MYO5B: variants seen among roughly 807,000 people sequenced by gnomAD.
The protein encoded by MYO5B is unconventional myosin-Vb.
MYO5B carries 143 observed loss-of-function variants against 229.3 expected under a neutral mutation model. That is an observed-to-expected ratio of 0.62 (90% CI 0.54 to 0.72). The LOEUF is 0.72. Among genes scored for constraint, MYO5B ranks in the 30% least tolerant of loss-of-function variants. The pLI is 0.00. For synonymous variants in MYO5B, 918 were observed against 885.2 expected (o/e 1.04, Z -0.66); for missense variants, 2,321 against 2,331.0 (o/e 1.00, Z 0.09).
In MYO5B at chr18:50,029,537, T is replaced by G. The variant is rs577386343; in HGVS notation, c.455+7313A>C. 3.6e-4 allele frequency among the ~76,000 whole-genome samples: 55 copies of G among 152,278 alleles called. No individual in the cohort carries two copies. The South Asian group carries it at 0.011, about 31-fold the overall frequency. ...GCTGACTGAAGTCCTGGTTTCAGAC[T>G]TTACTATAAAATTCACCCAGTCATT... On this transcript the variant is annotated intron_variant, in intron 4 of 39. Transcript: ENST00000285039.
At chr18:50,086,244 G>A (rs777947270) in intron 1 of MYO5B, among the ~76,000 whole-genome samples, 20 of 151,878 alleles carry the variant, frequency 1.3e-4, no homozygotes, top group African/African-American at 2.7e-4. Flanking sequence ...TCCCTCTTCC[G>A]TTGCCTTTTC....
At chr18:49,987,045 G>C (rs750856663) in intron 7 of MYO5B, among the ~76,000 whole-genome samples, 19 of 152,178 alleles carry the variant, frequency 1.2e-4, no homozygotes, top group Non-Finnish European at 1.9e-4. Context: ...TCATATTAGA[G>C]GGAAGGCATT....
chr18:50,194,228 C>T (rs1310723875), intron 1 of MYO5B, among the ~76,000 whole-genome samples: 3 of 152,236 alleles, frequency 2.0e-5, no homozygotes, highest in Non-Finnish European at 2.9e-5. Context: ...TCCCTCTCCA[C>T]CAAGTCCAGA....
chr18:49,902,108 T>C (rs2024848067), intron 21 of MYO5B, among the ~76,000 whole-genome samples: 1 of 152,262 alleles, frequency 6.6e-6, no homozygotes, highest in Non-Finnish European at 1.5e-5. Context: ...ATCATTATCT[T>C]ACAGCTCTGG....
At chr18:50,096,416 G>A (rs2031552077) in intron 1 of MYO5B, among the ~76,000 whole-genome samples, 1 of 152,128 alleles carries the variant, frequency 6.6e-6, no homozygotes, top group South Asian at 2.1e-4. Context: ...GAAGGCCAAG[G>A]TTGTCTTGCC....
intron 4 of MYO5B, among the ~76,000 whole-genome samples, chr18:50,029,641 C>A (rs2026367174): frequency 6.6e-6 from 1 of 152,196 alleles, no homozygotes; most frequent in Non-Finnish European, 1.5e-5. Flanking sequence ...TCAGCTGTAA[C>A]AACTGTGCCC....
chr18:50,040,074 TGA>T, intron 3 of MYO5B, 67 bp downstream of exon 3: 1 of 1,515,474 alleles, frequency 6.6e-7, no homozygotes, highest in Non-Finnish European at 9.2e-7. Context: ...CCTAAGCATT[TGA>T]GTTGAGCAAG....
chr18:49,835,452 A>G, intron 38 of MYO5B, 28 bp from the exon 39 acceptor site: 1 of 1,413,410 alleles, frequency 7.1e-7, no homozygotes, highest in South Asian at 1.1e-5. Context: ...GGAATTTAGC[A>G]CAGAGCTAAA....
intron 5 of MYO5B, among the ~76,000 whole-genome samples, chr18:49,997,883 T>G (rs1034440339): frequency 6.6e-6 from 1 of 151,922 alleles, no homozygotes; most frequent in Non-Finnish European, 1.5e-5. Flanking sequence ...ACCGATTGCT[T>G]TGTTGGGAGG....
At chr18:49,956,996 T>G (rs1414735336) in intron 12 of MYO5B, among the ~76,000 whole-genome samples, 1 of 152,082 alleles carries the variant, frequency 6.6e-6, no homozygotes, top group African/African-American at 2.4e-5. Flanking sequence ...TGGTTGGTAA[T>G]GGATGCACAA....
chr18:50,124,882 C>T (rs557272039), intron 1 of MYO5B, among the ~76,000 whole-genome samples: 3 of 152,076 alleles, frequency 2.0e-5, no homozygotes, highest in Non-Finnish European at 4.4e-5. Flanking sequence ...ATTGGGAAGC[C>T]CCACTTTAAT....
At chr18:50,103,857 A>T (rs1458362237) in intron 1 of MYO5B, among the ~76,000 whole-genome samples, 1 of 152,198 alleles carries the variant, frequency 6.6e-6, no homozygotes, top group African/African-American at 2.4e-5. Flanking sequence ...GCCGTCAAGC[A>T]CATGCAGTTC....
At chr18:50,157,404 A>C (rs1421564302) in intron 1 of MYO5B, among the ~76,000 whole-genome samples, 1 of 152,148 alleles carries the variant, frequency 6.6e-6, no homozygotes, top group Non-Finnish European at 1.5e-5. Context: ...AATTCTAACC[A>C]CCAAAATATC....
At chr18:50,108,105 C>T (rs1023285284) in intron 1 of MYO5B, among the ~76,000 whole-genome samples, 7 of 152,144 alleles carry the variant, frequency 4.6e-5, no homozygotes, top group Admixed American at 3.9e-4. Flanking sequence ...GATGGGGTTT[C>T]GCCATGTTGC....
chr18:49,947,858 A>G (rs1172059289), intron 14 of MYO5B, among the ~76,000 whole-genome samples: 1 of 152,240 alleles, frequency 6.6e-6, no homozygotes, highest in Non-Finnish European at 1.5e-5. Flanking sequence ...AGAAGCATGA[A>G]AAAACTTTGT....
Position 49,823,861 on chromosome 18 carries a change from C to A in MYO5B, c.*2610G>T, listed in dbSNP as rs550074587. On this transcript the variant is annotated 3_prime_UTR_variant, in exon 40 of 40. Transcript: ENST00000285039. ...TAATACTTAAAACACAAGTTTTGAT[C>A]TATAAATATTTGATTCTTAATATTT... The A allele has an allele frequency of 6.6e-6, 1 of 152,576 alleles. No homozygotes were observed. The highest frequency in any genetic ancestry group is 1.5e-5 in the Non-Finnish European group (1 of 68,030). 9.5% of individuals were successfully genotyped at this position (152,576 alleles called of 1,614,324 possible).
At chr18:50,000,851 A>G (rs1568065382) in intron 5 of MYO5B, among the ~76,000 whole-genome samples, 1 of 152,202 alleles carries the variant, frequency 6.6e-6, no homozygotes, top group Non-Finnish European at 1.5e-5. Context: ...TATTCTATCT[A>G]GGCTTTCCCG....
chr18:50,019,475 A>C (rs898681661), intron 4 of MYO5B, among the ~76,000 whole-genome samples: 2 of 152,192 alleles, frequency 1.3e-5, no homozygotes, highest in African/African-American at 4.8e-5. Flanking sequence ...AAACTCTTTA[A>C]TTCAGTGGTC....
intron 1 of MYO5B, chr18:50,126,527 G>C (rs944154872): frequency 1.3e-5 from 2 of 154,906 alleles, no homozygotes; most frequent in Non-Finnish European, 2.9e-5. Context: ...ACAGAATCCC[G>C]AGTTATCTGA....
Sources: gnomAD v4.1 joint callset for allele counts (sites outside exome capture counted in the v4.1 genomes callset) on GRCh38, gnomAD v4.1.1 for gene constraint, MANE v1.5 for transcripts, NCBI Gene and HGNC (gene_info 2026-07-23, HGNC 2026-07-21) for gene names.